ZFPM1: variants seen among roughly 807,000 people sequenced by gnomAD.
ZFPM1 encodes the protein zinc finger protein ZFPM1.
In ZFPM1, 28 loss-of-function variants were observed where a neutral mutation model predicts 46.3. That is an observed-to-expected ratio of 0.60 (90% CI 0.45 to 0.83). The LOEUF (loss-of-function observed/expected upper bound fraction) is 0.83. ZFPM1 is among the 40% of genes least tolerant of loss of function. The pLI, the probability that ZFPM1 is intolerant of heterozygous loss-of-function variation, is 0.00. For synonymous variants in ZFPM1, 957 were observed against 675.9 expected (o/e 1.42, Z -6.45); for missense variants, 1,878 against 1,432.4 (o/e 1.31, Z -5.02).
intron 1 of ZFPM1, among the ~76,000 whole-genome samples, chr16:88,470,529 C>T (rs960285021): frequency 1.1e-4 from 16 of 146,786 alleles, no homozygotes; most frequent in Middle Eastern, 3.4e-3. Flanking sequence ...GGATGTGGCA[C>T]GGTGTGGAGG....
intron 4 of ZFPM1, among the ~76,000 whole-genome samples, chr16:88,519,528 ATGAG>A (rs1385738163): frequency 7.0e-6 from 1 of 143,654 alleles, no homozygotes; most frequent in Non-Finnish European, 1.5e-5. Flanking sequence ...GAATGGATGA[ATGAG>A]TGGGTGGGTG....
Position 88,526,941 on chromosome 16 carries a change from C to T in ZFPM1, c.505+25C>T, listed in dbSNP as rs775747620. ...GGTCAGTATGACGCGGCACCTCCGT[C>T]CCAAGCCTTCCGGAAGGTGGGGGTC... On this transcript the variant is annotated intron_variant, in intron 5 of 9. Coordinates refer to ENST00000319555, the MANE Select transcript of ZFPM1 (RefSeq NM_153813.3). 3 of 1,542,544 alleles carry T rather than the reference C, an allele frequency of 1.9e-6. No individual in the cohort carries two copies. The South Asian group carries it at 3.6e-5, about 18-fold the overall frequency.
At chr16:88,531,656 A>G (rs1912793744) in intron 6 of ZFPM1, among the ~76,000 whole-genome samples, 1 of 152,174 alleles carries the variant, frequency 6.6e-6, no homozygotes, top group Non-Finnish European at 1.5e-5. Flanking sequence ...CGGTCACCCC[A>G]GTATGTCATG....
At position 88,498,602 on chromosome 16, in the gene ZFPM1, G is replaced by A. The variant is rs578195863; in HGVS notation, c.268+9449G>A. 4.2e-4 allele frequency among the ~76,000 whole-genome samples: 64 copies of A among 152,324 alleles called. 1 individual carries two copies. The highest frequency in any genetic ancestry group is 3.4e-3 in the Middle Eastern group (1 of 294). ...ACCCCACATGTCCGAGGGGCAGGCA[G>A]AGCCGGCCTCGCTGAGCCGACGTTT... On this transcript the variant is annotated intron_variant, in intron 3 of 9. Coordinates refer to ENST00000319555, the MANE Select transcript of ZFPM1 (RefSeq NM_153813.3).
intron 1 of ZFPM1, among the ~76,000 whole-genome samples, chr16:88,478,690 C>T (rs999124642): frequency 1.3e-5 from 2 of 152,156 alleles, no homozygotes; most frequent in Non-Finnish European, 2.9e-5. Context: ...GGGGGACGGA[C>T]CTAGGCTGGG....
intron 1 of ZFPM1, 84 bp from the exon 2 acceptor site, chr16:88,485,855 G>T (rs745593432): frequency 1.2e-4 from 164 of 1,334,452 alleles, no homozygotes; most frequent in Non-Finnish European, 1.6e-4. Flanking sequence ...GGGCACCGGG[G>T]CTGTACCTAT....
chr16:88,495,171 C>T (rs1172034828), intron 3 of ZFPM1, among the ~76,000 whole-genome samples: 1 of 152,184 alleles, frequency 6.6e-6, no homozygotes, highest in Non-Finnish European at 1.5e-5. Context: ...GGGGTGGAGC[C>T]GGGGTCCCAT....
In ZFPM1 at chr16:88,471,367, A is replaced by G. The variant is rs1908412214; in HGVS notation, c.41-14572A>G. Among the ~76,000 whole-genome samples the G allele has an allele frequency of 6.6e-6, 1 of 152,242 alleles. No homozygotes were observed. Among genetic ancestry groups the G allele is most frequent in the African/African-American group, 2.4e-5 (1 of 41,462 alleles). Reference sequence around the variant, plus strand: ...TGTGTCCGTGGCGGCTCCCGCTCACAGTTCAGGACCCCGAGATGACCGTGC... The same window carrying G: ...TGTGTCCGTGGCGGCTCCCGCTCACGGTTCAGGACCCCGAGATGACCGTGC... On this transcript the variant is annotated intron_variant, in intron 1 of 9. Transcript: ENST00000319555. The surrounding 1 kb of genome is among the most constrained non-coding windows in gnomAD (Gnocchi z 4.1).
chr16:88,516,171 A>C (rs1158404131), intron 4 of ZFPM1: 1 of 398,544 alleles, frequency 2.5e-6, no homozygotes, highest in Non-Finnish European at 4.4e-6. Flanking sequence ...AGGATCAAAC[A>C]GCAGAGGGAG....
intron 1 of ZFPM1, among the ~76,000 whole-genome samples, chr16:88,455,831 G>A (rs567433716): frequency 2.0e-5 from 3 of 152,186 alleles, no homozygotes; most frequent in East Asian, 1.9e-4. Context: ...AGATGGCGGA[G>A]GCGATAGGCC....
chr16:88,463,297 G>C (rs927978744), intron 1 of ZFPM1, among the ~76,000 whole-genome samples: 1 of 152,194 alleles, frequency 6.6e-6, no homozygotes, highest in East Asian at 1.9e-4. Flanking sequence ...GAGGGACCAG[G>C]TGCCTGCAGC....
intron 1 of ZFPM1, among the ~76,000 whole-genome samples, chr16:88,475,450 C>A (rs1210179801): frequency 6.6e-6 from 1 of 151,684 alleles, no homozygotes; most frequent in Non-Finnish European, 1.5e-5. Context: ...GACCTCGGGC[C>A]TGGAAGCTGC....
At position 88,462,941 on chromosome 16, in the gene ZFPM1, A is replaced by C. The variant is rs34892455; in HGVS notation, c.40+9263A>C. 4.7e-3 allele frequency among the ~76,000 whole-genome samples: 721 copies of C among 152,078 alleles called. 7 individuals carry two copies. Among genetic ancestry groups the C allele is most frequent in the African/African-American group, 0.016 (677 of 41,480 alleles). ...GCCAGGGCCCCCTGTGGTCTGTAAC[A>C]AAATCCACACAAACAGGGCAGGGGC... On this transcript the variant is annotated intron_variant, in intron 1 of 9. Transcript: ENST00000319555.
At chr16:88,464,711 C>G (rs1908055154) in intron 1 of ZFPM1, among the ~76,000 whole-genome samples, 1 of 152,276 alleles carries the variant, frequency 6.6e-6, no homozygotes, top group Non-Finnish European at 1.5e-5. Flanking sequence ...GCCTGGTCCG[C>G]CCTGCACTGT....
chr16:88,533,400 C>A lies in ZFPM1; in HGVS notation c.1442C>A (p.Pro481His). ...EAAPILGPGE[P>H]GPQAPSRTPS... is the part of the protein sequence containing the mutation. ...GCCCCCATCCTGGGCCCCGGAGAGC[C>A]TGGGCCCCAGGCCCCGTCGCGGACG... The change falls in exon 10 of 10, where the codon CCT (proline) becomes CAT (histidine). Residue 481 changes from proline to histidine, a missense_variant. Coordinates refer to ENST00000319555, the MANE Select transcript of ZFPM1 (RefSeq NM_153813.3). The A allele has an allele frequency of 6.6e-7, 1 of 1,510,730 alleles. No homozygotes were observed. Among genetic ancestry groups the A allele is most frequent in the Non-Finnish European group, 8.8e-7 (1 of 1,137,322 alleles). The allele number at this position is 1,510,730 out of a possible 1,614,324, so 93.6% of individuals were successfully genotyped here. A position where few individuals can be genotyped will look rare whatever the true frequency, so the allele number is the denominator to read the frequency against.
intron 1 of ZFPM1, among the ~76,000 whole-genome samples, chr16:88,455,320 A>G (rs577656784): frequency 1.7e-4 from 26 of 152,140 alleles, no homozygotes; most frequent in African/African-American, 6.3e-4. Flanking sequence ...CACTTTGGGA[A>G]CTGGGACCGC....
In ZFPM1 at chr16:88,533,573, G is replaced by A. The variant is rs765146290; in HGVS notation, c.1615G>A (p.Ala539Thr). 7 of 1,496,198 alleles carry A rather than the reference G, an allele frequency of 4.7e-6. No homozygotes were observed. Among genetic ancestry groups the A allele is most frequent in the Admixed American group, 4.2e-5 (2 of 47,132 alleles). The allele number at this position is 1,496,198 out of a possible 1,614,324, so 92.7% of individuals were successfully genotyped here. ...GTTCGGGCCCGACGCGGCGCCCCCCGCCTCGGAGATCCTGGCCAAGATGTC... is the reference window on the plus strand; with the variant it reads ...GTTCGGGCCCGACGCGGCGCCCCCCACCTCGGAGATCCTGGCCAAGATGTC... ...YVFGPDAAPP[A>T]SEILAKMSEL... is the part of the protein sequence containing the mutation. Residue 539 changes from alanine (A) to threonine (T), a missense_variant, in exon 10 of 10, where the codon GCC (alanine) becomes ACC (threonine). By Grantham distance (58) the Ala-to-Thr change is moderately conservative (BLOSUM62 0). Coordinates refer to ENST00000319555, the MANE Select transcript of ZFPM1 (RefSeq NM_153813.3).
At chr16:88,501,441 CA>C (rs1910305553) in intron 3 of ZFPM1, among the ~76,000 whole-genome samples, 1 of 105,582 alleles carries the variant, frequency 9.5e-6, no homozygotes, top group Non-Finnish European at 1.9e-5. Context: ...ATGCGGGGGC[CA>C]TCCCGCAGGT....
At chr16:88,507,601 G>C (rs1470084555) in intron 3 of ZFPM1, among the ~76,000 whole-genome samples, 11 of 152,220 alleles carry the variant, frequency 7.2e-5, no homozygotes, top group Non-Finnish European at 1.0e-4. Context: ...TCCATAGCCT[G>C]GGTTGGGTCT....
Sources: gnomAD v4.1 joint callset for allele counts (sites outside exome capture counted in the v4.1 genomes callset) on GRCh38, gnomAD v4.1.1 for gene constraint, Gnocchi (gnomAD v3.1) non-coding constraint, MANE v1.5 for transcripts, NCBI Gene and HGNC (gene_info 2026-07-23, HGNC 2026-07-21) for gene names.